Variants in DIPK1A observed in about 807,000 individuals in gnomAD.
DIPK1A encodes divergent protein kinase domain 1A.
Under a neutral mutation model 40.8 loss-of-function variants are expected in DIPK1A, and 27 were observed. The observed-to-expected ratio is 0.66, with a 90% CI of 0.49 to 0.91. The LOEUF is 0.91. Ranked by LOEUF, DIPK1A falls within the 40% of genes least tolerant of loss-of-function variation. The probability of loss-of-function intolerance (pLI) is 0.00; values close to 1 mark genes in which losing one functional copy is unlikely to be tolerated. For missense variants in DIPK1A, 412 were observed against 505.7 expected (o/e 0.81, Z 1.78); for synonymous variants, 166 against 171.3 (o/e 0.97, Z 0.24).
At chr1:92,860,863 GA>G in intron 2 of DIPK1A, among the ~76,000 whole-genome samples, 1 of 152,192 alleles carries the variant, frequency 6.6e-6, no homozygotes. Context: ...ATGATTGCTT[GA>G]AAATAAATAT....
chr1:92,862,552 G>A (rs1557458394), intron 2 of DIPK1A, among the ~76,000 whole-genome samples: 3 of 152,116 alleles, frequency 2.0e-5, no homozygotes. Flanking sequence ...ACTTGTGCCT[G>A]GATTATTACA....
chr1:92,834,966 GT>G, intron 4 of DIPK1A: 2 of 1,598,452 alleles, frequency 1.3e-6, no homozygotes, highest in East Asian at 2.2e-5. Context: ...TGCTTGGAGA[GT>G]TTTCTGCAAG....
intron 2 of DIPK1A, among the ~76,000 whole-genome samples, chr1:92,869,548 T>C (rs1032552459): frequency 2.0e-5 from 3 of 152,178 alleles, no homozygotes; most frequent in Non-Finnish European, 4.4e-5. Flanking sequence ...ACTTTAAAAC[T>C]TAAAACTTTA....
chr1:92,950,273 G>C (rs1410906141), intron 1 of DIPK1A, among the ~76,000 whole-genome samples: 1 of 152,182 alleles, frequency 6.6e-6, no homozygotes, highest in East Asian at 1.9e-4. Context: ...ACATGAGAGA[G>C]AGCATGTTGT....
At position 92,843,999 on chromosome 1, in the gene DIPK1A, T is replaced by G; in HGVS notation, c.671A>C (p.Asp224Ala). The G allele has an allele frequency of 6.4e-7, 1 of 1,552,112 alleles. No homozygotes were observed. The highest frequency in any genetic ancestry group is 8.7e-7 in the Non-Finnish European group (1 of 1,147,084). ...TTCAACACTTTCCATCACATAGAGG[T>G]CACCACAGAATCCCATTAATTTGGG... ...HTPKLMGFCG[D>A]LYVMESVEYT... Residue 224 changes from aspartate (D) to alanine (A), a missense_variant, in exon 5 of 5, where the codon GAC becomes GCC. Physicochemically the swap from Asp to Ala is moderately radical, Grantham distance 126. Coordinates refer to ENST00000370310, the MANE Select transcript of DIPK1A (RefSeq NM_001006605.5).
chr1:92,927,520 T>TA (rs1373043558), intron 1 of DIPK1A, among the ~76,000 whole-genome samples: 1 of 152,020 alleles, frequency 6.6e-6, no homozygotes, highest in Non-Finnish European at 1.5e-5. Context: ...TTCAATGTTT[T>TA]AAAAAATATA....
intron 2 of DIPK1A, among the ~76,000 whole-genome samples, chr1:92,870,068 T>TTA (rs367803576): frequency 8.6e-6 from 1 of 116,856 alleles, no homozygotes; most frequent in African/African-American, 3.8e-5. Context: ...CTTACATGAA[T>TTA]TATATATACA....
chr1:92,901,404 G>C (rs111886564), intron 1 of DIPK1A, among the ~76,000 whole-genome samples: 1 of 151,954 alleles, frequency 6.6e-6, no homozygotes, highest in African/African-American at 2.4e-5. Flanking sequence ...TCTGTGGCAG[G>C]TTGGATGTAG....
chr1:92,856,064 G>A (rs1273629132), intron 2 of DIPK1A, among the ~76,000 whole-genome samples: 1 of 152,082 alleles, frequency 6.6e-6, no homozygotes, highest in Non-Finnish European at 1.5e-5. Context: ...GTGACAGAGT[G>A]AGACCCTGTC....
downstream of DIPK1A, chr1:92,840,642 ATGTCGTC>A: frequency 1.2e-6 from 2 of 1,603,914 alleles, no homozygotes; most frequent in Middle Eastern, 1.7e-4. Flanking sequence ...AAGAAGAGGT[ATGTCGTC>A]TTTTTTTTTG....
At chr1:92,864,820 A>G (rs1201708009) in intron 2 of DIPK1A, among the ~76,000 whole-genome samples, 1 of 152,120 alleles carries the variant, frequency 6.6e-6, no homozygotes, top group Non-Finnish European at 1.5e-5. Flanking sequence ...TGGGCAGATT[A>G]CCTGAGATCA....
chr1:92,909,545 T>G (rs1649750258), intron 1 of DIPK1A, among the ~76,000 whole-genome samples: 1 of 152,186 alleles, frequency 6.6e-6, no homozygotes, highest in African/African-American at 2.4e-5. Flanking sequence ...TGGGAGATGC[T>G]TCCTGGCCTC....
intron 1 of DIPK1A, among the ~76,000 whole-genome samples, chr1:92,948,965 C>T (rs912527672): frequency 2.6e-5 from 4 of 151,014 alleles, no homozygotes; most frequent in East Asian, 2.0e-4. Flanking sequence ...CCACCATACC[C>T]GGCTAATTTT....
Position 92,834,792 on chromosome 1 carries a change from G to A in DIPK1A, c.475-1758C>T, listed in dbSNP as rs755960588. On this transcript the variant is annotated intron_variant, in intron 4 of 4. Coordinates refer to the DIPK1A transcript ENST00000615519. ...CTCTTACTATAGATTGCTTATGCCC[G>A]TATAGAGGGGGATATGATAGTCTGC... 1 of 1,613,176 alleles carries A rather than the reference G, an allele frequency of 6.2e-7. No homozygotes were observed. The highest frequency in any genetic ancestry group is 8.5e-7 in the Non-Finnish European group (1 of 1,179,868).
chr1:92,944,554 GAGA>G (rs1307675055), intron 1 of DIPK1A, among the ~76,000 whole-genome samples: 8 of 152,202 alleles, frequency 5.3e-5, no homozygotes, highest in African/African-American at 9.7e-5. Context: ...CAAATTTTCT[GAGA>G]AGATTATTTT....
At chr1:92,934,362 AT>A (rs1182037982) in intron 1 of DIPK1A, among the ~76,000 whole-genome samples, 1 of 152,224 alleles carries the variant, frequency 6.6e-6, no homozygotes, top group Non-Finnish European at 1.5e-5. Context: ...TTTTATATTT[AT>A]TTCCAGAAGG....
intron 1 of DIPK1A, among the ~76,000 whole-genome samples, chr1:92,891,735 G>C (rs913320171): frequency 6.6e-6 from 1 of 152,184 alleles, no homozygotes; most frequent in Non-Finnish European, 1.5e-5. Context: ...GAAGAGGAAG[G>C]GGTCAGGGAA....
chr1:92,872,069 CTTTTTTTTTTTTT>C (rs148010880), intron 2 of DIPK1A, among the ~76,000 whole-genome samples: 12 of 67,942 alleles, frequency 1.8e-4, no homozygotes, highest in South Asian at 1.9e-3. Flanking sequence ...TTCTTTAAAT[CTTTTTTTTTTTTT>C]TTTTTTTTTT....
At chr1:92,896,654 T>C (rs1183495022) in intron 1 of DIPK1A, among the ~76,000 whole-genome samples, 1 of 151,256 alleles carries the variant, frequency 6.6e-6, no homozygotes, top group Non-Finnish European at 1.5e-5. Context: ...AATTGACAAA[T>C]GGGATCTAAT....
Sources: gnomAD v4.1 joint callset for allele counts (sites outside exome capture counted in the v4.1 genomes callset) on GRCh38, gnomAD v4.1.1 for gene constraint, MANE v1.5 for transcripts, NCBI Gene and HGNC (gene_info 2026-07-23, HGNC 2026-07-21) for gene names.